Variants in GPC5 observed in about 807,000 individuals in gnomAD.
GPC5 encodes the protein glypican 5, also known as glypican-5.
GPC5 carries 47 observed loss-of-function variants against 53.9 expected under a neutral mutation model. The ratio of observed to expected loss-of-function variants is 0.87; its 90% CI spans 0.69 to 1.11. The LOEUF is 1.11. Ranked by LOEUF, GPC5 falls within the 50% of genes most tolerant of loss-of-function variation. The pLI, the probability that GPC5 is intolerant of heterozygous loss-of-function variation, is 0.00. For synonymous variants in GPC5, 286 were observed against 263.3 expected (o/e 1.09, Z -0.84); for missense variants, 748 against 713.1 (o/e 1.05, Z -0.56).
rs188193443 is a variant in GPC5 at position 92,538,479 on chromosome 13, A to G, written c.1562-327803A>G. Among the ~76,000 whole-genome samples the G allele has an allele frequency of 4.5e-3, 602 of 133,190 alleles. 5 individuals are homozygous for G. The highest frequency in any genetic ancestry group is 0.016 in the African/African-American group (570 of 34,878). The allele number at this position is 133,190 out of a possible 152,430, so 87.4% of individuals were successfully genotyped here. On this transcript the variant is annotated intron_variant, in intron 7 of 7. Transcript: ENST00000377067. ...TCTTTCTTTCTTTTTTTTTTTAATT[A>G]CACTTTAAGTTCTGGGATACATGTG...
intron 7 of GPC5, among the ~76,000 whole-genome samples, chr13:92,865,988 T>C (rs1202471850): frequency 1.3e-5 from 2 of 152,152 alleles, no homozygotes; most frequent in Non-Finnish European, 2.9e-5. Context: ...TATTAATTAA[T>C]TAAATGTCTT....
At chr13:92,764,256 G>A (rs773544405) in intron 7 of GPC5, among the ~76,000 whole-genome samples, 17 of 152,226 alleles carry the variant, frequency 1.1e-4, no homozygotes, top group Non-Finnish European at 1.8e-4. Context: ...CTGGCTTAGT[G>A]AAGGCTGGCT....
At chr13:91,766,261 GCT>G (rs768623337) in intron 5 of GPC5, among the ~76,000 whole-genome samples, 1 of 152,206 alleles carries the variant, frequency 6.6e-6, no homozygotes, top group Non-Finnish European at 1.5e-5. Flanking sequence ...TGAGTGAAAT[GCT>G]CTGAGTTGAG....
At chr13:92,698,663 T>A (rs1887636049) in intron 7 of GPC5, among the ~76,000 whole-genome samples, 1 of 152,186 alleles carries the variant, frequency 6.6e-6, no homozygotes, top group Non-Finnish European at 1.5e-5. Context: ...TGATTTATAA[T>A]CCTTTGGGTT....
intron 7 of GPC5, among the ~76,000 whole-genome samples, chr13:92,743,004 G>T (rs1008185341): frequency 2.6e-5 from 4 of 152,122 alleles, no homozygotes; most frequent in Non-Finnish European, 5.9e-5. Flanking sequence ...ATAGTTTGAA[G>T]TCAGGTAGGG....
intron 7 of GPC5, among the ~76,000 whole-genome samples, chr13:92,161,055 T>A (rs1009233663): frequency 1.4e-5 from 2 of 138,606 alleles, no homozygotes; most frequent in Admixed American, 7.4e-5. Flanking sequence ...TTTTTTTTTT[T>A]ATGAGTTGTA....
chr13:91,728,675 T>C lies in GPC5; in HGVS notation c.1154+10T>C, dbSNP rs762207418. ...TTGCCAACAGAAGAAAGTAAGACAT[T>C]TGTTTTACAACCAGAAAGAGAAAAG... is the stretch of plus-strand genomic sequence containing the variant. On this transcript the variant is annotated intron_variant, in intron 4 of 7. Transcript: ENST00000377067. 6.2e-7 allele frequency: 1 copy of C among 1,605,500 alleles called. No homozygotes were observed.
Position 91,562,973 on chromosome 13 carries a change from G to A in GPC5, c.325+114051G>A, listed in dbSNP as rs571221180. ...GCATCGTAGAGAAAAAATGAGTTTT[G>A]CCATTTAAAGTAATTTTACATATTA... On this transcript the variant is annotated intron_variant, in intron 2 of 7. Coordinates refer to ENST00000377067, the MANE Select transcript of GPC5 (RefSeq NM_004466.6). Among the ~76,000 whole-genome samples, 29 of 151,998 alleles carry A rather than the reference G, an allele frequency of 1.9e-4. 1 individual carries two copies. The South Asian group carries it at 5.2e-3, about 27-fold the overall frequency.
intron 7 of GPC5, among the ~76,000 whole-genome samples, chr13:92,806,999 G>T (rs777934076): frequency 6.6e-6 from 1 of 152,046 alleles, no homozygotes; most frequent in Non-Finnish European, 1.5e-5. Flanking sequence ...ACATTAAAGT[G>T]CAGTGCAATA....
chr13:91,981,629 A>G (rs191584128), intron 6 of GPC5, among the ~76,000 whole-genome samples: 6 of 152,316 alleles, frequency 3.9e-5, no homozygotes, highest in African/African-American at 1.4e-4. Flanking sequence ...AATTGACTTC[A>G]TTCAAACATT....
intron 7 of GPC5, among the ~76,000 whole-genome samples, chr13:92,797,793 TAGATAGATAAA>T (rs1447207035): frequency 6.6e-6 from 1 of 150,840 alleles, no homozygotes; most frequent in African/African-American, 2.4e-5. Flanking sequence ...GATAGATCAA[TAGATAGATAAA>T]AGATATTCAA....
chr13:91,962,794 C>T (rs1169678266), intron 6 of GPC5, among the ~76,000 whole-genome samples: 1 of 152,144 alleles, frequency 6.6e-6, no homozygotes. Flanking sequence ...AGAAATGATT[C>T]TGCTGGTAAC....
intron 6 of GPC5, among the ~76,000 whole-genome samples, chr13:91,941,748 A>G (rs1353590332): frequency 6.6e-6 from 1 of 152,190 alleles, no homozygotes; most frequent in Non-Finnish European, 1.5e-5. Context: ...TGCAAAGTAA[A>G]TAAATAAATT....
intron 7 of GPC5, among the ~76,000 whole-genome samples, chr13:92,371,580 G>A (rs1289394679): frequency 6.6e-6 from 1 of 152,170 alleles, no homozygotes; most frequent in South Asian, 2.1e-4. Context: ...AGCTGGGAAG[G>A]ACTCAGGAAA....
intron 7 of GPC5, among the ~76,000 whole-genome samples, chr13:92,691,814 T>C (rs1181581273): frequency 1.3e-5 from 2 of 151,972 alleles, no homozygotes; most frequent in East Asian, 1.9e-4. Flanking sequence ...CTTTATAGTG[T>C]CCCAATTTTT....
intron 7 of GPC5, among the ~76,000 whole-genome samples, chr13:92,256,640 C>G (rs2042728230): frequency 6.6e-6 from 1 of 151,678 alleles, no homozygotes; most frequent in Non-Finnish European, 1.5e-5. Flanking sequence ...TTTCCATTGA[C>G]AAGGAAGAGA....
intron 7 of GPC5, among the ~76,000 whole-genome samples, chr13:92,555,066 A>G (rs1882448227): frequency 6.6e-6 from 1 of 151,386 alleles, no homozygotes; most frequent in Non-Finnish European, 1.5e-5. Flanking sequence ...AAATTAGATT[A>G]TGGTGGTATT....
At chr13:92,463,202 C>A (rs1399435283) in intron 7 of GPC5, among the ~76,000 whole-genome samples, 2 of 152,150 alleles carry the variant, frequency 1.3e-5, no homozygotes, top group Admixed American at 6.5e-5. Flanking sequence ...GTTTAGCAGA[C>A]AAACATGGTT....
At chr13:92,532,141 T>G (rs1881585910) in intron 7 of GPC5, among the ~76,000 whole-genome samples, 1 of 152,194 alleles carries the variant, frequency 6.6e-6, no homozygotes, top group Non-Finnish European at 1.5e-5. Flanking sequence ...TCTATTGCCC[T>G]GTTTCTTAAG....
Sources: allele counts gnomAD v4.1 joint callset (sites outside exome capture counted in the v4.1 genomes callset), GRCh38; gene constraint gnomAD v4.1.1; transcripts MANE v1.5; gene names NCBI Gene and HGNC (gene_info 2026-07-23, HGNC 2026-07-21).